Variants in AMTN observed in about 807,000 individuals in gnomAD.
AMTN encodes the protein RSTI689.
AMTN carries 29 observed loss-of-function variants against 27.4 expected under a neutral mutation model. The ratio of observed to expected loss-of-function variants is 1.06; its 90% CI spans 0.79 to 1.44. The LOEUF (loss-of-function observed/expected upper bound fraction) is 1.44. Ranked by LOEUF, AMTN falls within the 40% of genes most tolerant of loss-of-function variation. The pLI, the probability that AMTN is intolerant of heterozygous loss-of-function variation, is 0.00. For missense variants in AMTN, 247 were observed against 248.8 expected, an observed-to-expected ratio of 0.99 and a Z score of 0.05; for synonymous variants, 86 against 95.7, an observed-to-expected ratio of 0.90 and a Z score of 0.59.
chr4:70,529,706 C>A (rs1736175047), intron 7 of AMTN, among the ~76,000 whole-genome samples: 1 of 152,040 alleles, frequency 6.6e-6, no homozygotes, highest in Non-Finnish European at 1.5e-5. Flanking sequence ...TTCATATCAC[C>A]ATTGCTAAAC....
intron 5 of AMTN, among the ~76,000 whole-genome samples, chr4:70,527,369 C>CT (rs1736122168): frequency 6.6e-6 from 1 of 152,078 alleles, no homozygotes; most frequent in Admixed American, 6.6e-5. Flanking sequence ...CTCTTTTTAT[C>CT]TTTTTGTTCT....
chr4:70,525,320 A>T (rs1330954720), intron 5 of AMTN, among the ~76,000 whole-genome samples: 1 of 152,208 alleles, frequency 6.6e-6, no homozygotes, highest in Non-Finnish European at 1.5e-5. Context: ...GGTGACCAAG[A>T]TCATCTCAAA....
At chr4:70,519,250 A>G (rs1350928115) in intron 2 of AMTN, among the ~76,000 whole-genome samples, 1 of 152,206 alleles carries the variant, frequency 6.6e-6, no homozygotes, top group African/African-American at 2.4e-5. Flanking sequence ...TATAAATTCT[A>G]AAAAGACCAC....
chr4:70,526,949 A>G (rs1412726009), intron 5 of AMTN, among the ~76,000 whole-genome samples: 2 of 152,136 alleles, frequency 1.3e-5, no homozygotes, highest in Non-Finnish European at 2.9e-5. Flanking sequence ...AGAGTGGCTT[A>G]TTATCTCTGC....
intron 2 of AMTN, among the ~76,000 whole-genome samples, chr4:70,519,085 G>C (rs1003355725): frequency 2.6e-5 from 4 of 152,172 alleles, no homozygotes; most frequent in African/African-American, 9.7e-5. Flanking sequence ...AGAGCAATAG[G>C]CTAGAAATTA....
In AMTN at chr4:70,522,780, C is replaced by T. The variant is rs1479657852; in HGVS notation, c.80C>T (p.Pro27Leu). ...LPQLKPALGL[P>L]PTKLAPDQGT... ...CAGCTCAAACCTGCTTTGGGACTCC[C>T]TCCCACAAAACTGGCTCCGGATCAG... Residue 27 changes from proline (P) to leucine (L), a missense_variant, in exon 3 of 9, where the codon CCT becomes CTT. By Grantham distance (98) the Pro-to-Leu change is moderately conservative. Coordinates refer to ENST00000339336, the MANE Select transcript of AMTN (RefSeq NM_212557.4). 6.2e-7 allele frequency: 1 copy of T among 1,614,036 alleles called. No individual in the cohort carries two copies. Among genetic ancestry groups the T allele is most frequent in the South Asian group, 1.1e-5 (1 of 91,074 alleles).
Position 70,532,652 on chromosome 4 carries a change from A to C in AMTN, c.*187A>C. 1 of 522,034 alleles carries C rather than the reference A, an allele frequency of 1.9e-6. No individual in the cohort carries two copies. Among genetic ancestry groups the C allele is most frequent in the African/African-American group, 2.0e-5 (1 of 50,406 alleles). The allele number at this position is 522,034 out of a possible 1,614,324, so 32.3% of individuals were successfully genotyped here. A position where few individuals can be genotyped will look rare whatever the true frequency, so the allele number is the denominator to read the frequency against. On this transcript the variant is annotated 3_prime_UTR_variant, in exon 9 of 9. Transcript: ENST00000339336. ...TTCTATGTAGAGAATCCCAACTTTTAAAAACAATAATTCAATGGATAAATC... is the reference window on the plus strand; with the variant it reads ...TTCTATGTAGAGAATCCCAACTTTTCAAAACAATAATTCAATGGATAAATC...
intron 2 of AMTN, among the ~76,000 whole-genome samples, chr4:70,520,918 G>A (rs1436438149): frequency 2.6e-5 from 4 of 152,144 alleles, no homozygotes; most frequent in Non-Finnish European, 5.9e-5. Context: ...AGGTGGAGGT[G>A]AAATTCTGAA....
chr4:70,519,617 T>C (rs59652751), intron 2 of AMTN, among the ~76,000 whole-genome samples: 7,494 of 152,196 alleles, frequency 0.049, 581 homozygotes, highest in African/African-American at 0.16. Flanking sequence ...CCAGACATTG[T>C]GCTAGGTGCT....
At chr4:70,525,218 G>A (rs1736076120) in intron 5 of AMTN, among the ~76,000 whole-genome samples, 1 of 152,102 alleles carries the variant, frequency 6.6e-6, no homozygotes, top group Non-Finnish European at 1.5e-5. Flanking sequence ...TTGAAAAGTT[G>A]GGGAAGATTG....
chr4:70,518,750 T>G lies in AMTN; in HGVS notation c.-15-13T>G. 1.3e-6 allele frequency: 2 copies of G among 1,545,748 alleles called. No homozygotes were observed. The highest frequency in any genetic ancestry group is 8.9e-7 in the Non-Finnish European group (1 of 1,118,424). On this transcript the variant is annotated splice_polypyrimidine_tract_variant and intron_variant, in intron 1 of 8. Coordinates refer to ENST00000339336, the MANE Select transcript of AMTN (RefSeq NM_212557.4). ...AAAATACATGGAAGAGTAACACTTT[T>G]TTGTTGTTGTAGGTAGCAATCTGAA...
chr4:70,525,509 A>G (rs146913483), intron 5 of AMTN, among the ~76,000 whole-genome samples: 1 of 152,314 alleles, frequency 6.6e-6, no homozygotes, highest in African/African-American at 2.4e-5. Flanking sequence ...TAAACGACAT[A>G]CTTTAGGCAT....
chr4:70,530,003 T>C (rs17733479), intron 7 of AMTN, among the ~76,000 whole-genome samples: 102,848 of 151,974 alleles, frequency 0.68, 35,456 homozygotes, highest in African/African-American at 0.76. Context: ...CATATGTTGC[T>C]TTCAACCTTC....
intron 4 of AMTN, 110 bp from the exon 5 acceptor site, chr4:70,524,762 A>G: frequency 2.0e-6 from 2 of 995,974 alleles, no homozygotes; most frequent in Non-Finnish European, 3.1e-6. Flanking sequence ...ATGTATTTAC[A>G]TAGCAACTCC....
At chr4:70,532,396 G>A (rs1736244480) in intron 8 of AMTN, 59 bp from the exon 9 acceptor site, 2 of 1,362,298 alleles carry the variant, frequency 1.5e-6, no homozygotes, top group Admixed American at 3.9e-5. Flanking sequence ...TCAAGTAAAA[G>A]ATATTTATGT....
chr4:70,530,318 G>A (rs116379885), intron 7 of AMTN, among the ~76,000 whole-genome samples: 1,666 of 152,038 alleles, frequency 0.011, 26 homozygotes, highest in African/African-American at 0.038. Flanking sequence ...ATTGTTTAAT[G>A]ATGACTGACA....
chr4:70,532,556 AC>A lies in AMTN; in HGVS notation c.*92del, dbSNP rs1736248104. 8.7e-7 allele frequency: 1 copy of A among 1,151,628 alleles called. No individual in the cohort carries two copies. 71.3% of individuals were successfully genotyped at this position (1,151,628 alleles called of 1,614,324 possible). ...ATTATATTATGGAATAGATTGAGACACATTGGATAGTCTTAGAAGAAATTAA... is the reference window on the plus strand; with the variant it reads ...ATTATATTATGGAATAGATTGAGACAATTGGATAGTCTTAGAAGAAATTAA... On this transcript the variant is annotated 3_prime_UTR_variant, in exon 9 of 9. Coordinates refer to ENST00000339336, the MANE Select transcript of AMTN (RefSeq NM_212557.4).
At position 70,518,672 on chromosome 4, in the gene AMTN, T is replaced by C; in HGVS notation, c.-16+18T>C. The C allele has an allele frequency of 3.4e-6, 3 of 891,196 alleles. No homozygotes were observed. Among genetic ancestry groups the C allele is most frequent in the East Asian group, 2.5e-5 (1 of 40,492 alleles). The allele number at this position is 891,196 out of a possible 1,614,324, so 55.2% of individuals were successfully genotyped here. On this transcript the variant is annotated intron_variant, in intron 1 of 8. Coordinates refer to ENST00000339336, the MANE Select transcript of AMTN (RefSeq NM_212557.4). ...ACCCAAAGGTAACATTAATTGACCATGTTTCAAGTAGAACTTTTGTTTTTA... is the reference window on the plus strand; with the variant it reads ...ACCCAAAGGTAACATTAATTGACCACGTTTCAAGTAGAACTTTTGTTTTTA...
intron 2 of AMTN, among the ~76,000 whole-genome samples, chr4:70,521,584 G>A (rs1197321926): frequency 7.4e-6 from 1 of 135,742 alleles, no homozygotes; most frequent in Non-Finnish European, 1.5e-5. Flanking sequence ...GTATATATAT[G>A]TATATATAAT....
Sources: allele counts gnomAD v4.1 joint callset (sites outside exome capture counted in the v4.1 genomes callset), GRCh38; gene constraint gnomAD v4.1.1; transcripts MANE v1.5; gene names NCBI Gene and HGNC (gene_info 2026-07-23, HGNC 2026-07-21).